Variants in USP28 observed in about 807,000 individuals in gnomAD.
USP28 encodes the protein ubiquitin carboxyl-terminal hydrolase 28.
A neutral mutation model predicts 145.0 loss-of-function variants in USP28; 113 were observed. That is an observed-to-expected ratio of 0.78 (90% CI 0.67 to 0.91). The LOEUF is 0.91. Ranked by LOEUF, USP28 falls within the 40% of genes least tolerant of loss-of-function variation. USP28 has a pLI of 0.00. For synonymous variants in USP28, 447 were observed against 450.9 expected (o/e 0.99, Z 0.11); for missense variants, 1,201 against 1,289.6 (o/e 0.93, Z 1.05).
exon 22 of USP28, chr11:113,803,858 C>T: frequency 3.1e-6 from 5 of 1,613,896 alleles, no homozygotes; most frequent in Non-Finnish European, 4.2e-6. Context: ...TCGGAACAAA[C>T]TATAATCTTC....
intron 11 of USP28, 28 bp downstream of exon 11, chr11:113,827,205 G>C (rs775846692): frequency 2.5e-6 from 3 of 1,186,498 alleles, no homozygotes; most frequent in Non-Finnish European, 3.5e-6. Context: ...AATACCTCAG[G>C]AAAAAAAAAA....
At chr11:113,851,668 C>T (rs567977002) in intron 3 of USP28, among the ~76,000 whole-genome samples, 9 of 152,098 alleles carry the variant, frequency 5.9e-5, no homozygotes, top group Admixed American at 2.0e-4. Flanking sequence ...TAGTGGTGGG[C>T]GCCTGTAATC....
intron 19 of USP28, among the ~76,000 whole-genome samples, chr11:113,805,259 C>CTTT (rs5794882): frequency 3.5e-5 from 5 of 144,478 alleles, no homozygotes; most frequent in Non-Finnish European, 6.0e-5. Context: ...ACATACTGTA[C>CTTT]TTTTTTTTTT....
chr11:113,813,216 G>A (rs1055569080), intron 15 of USP28, among the ~76,000 whole-genome samples: 5 of 152,120 alleles, frequency 3.3e-5, no homozygotes, highest in Admixed American at 1.3e-4. Flanking sequence ...GGAAGCCTGC[G>A]TTTTACATGG....
intron 12 of USP28, among the ~76,000 whole-genome samples, chr11:113,822,843 G>A (rs1274525071): frequency 1.3e-5 from 2 of 152,160 alleles, no homozygotes; most frequent in African/African-American, 2.4e-5. Context: ...AGTGGTAGCG[G>A]TGGGGGTACA....
At chr11:113,821,495 G>A (rs771397731) in intron 12 of USP28, 12 of 214,294 alleles carry the variant, frequency 5.6e-5, no homozygotes, top group African/African-American at 2.8e-4. Flanking sequence ...CTGGGAGTGG[G>A]TCGGGTGGCT....
intron 11 of USP28, 78 bp downstream of exon 11, chr11:113,827,155 A>G: frequency 6.7e-7 from 1 of 1,501,762 alleles, no homozygotes; most frequent in Non-Finnish European, 8.9e-7. Flanking sequence ...GGTGATTCCT[A>G]CGCACACTAT....
In USP28 at chr11:113,860,825, A is replaced by G. The variant is rs565679572; in HGVS notation, c.58-6490T>C. The stretch of plus-strand genomic sequence containing the variant: ...CAGAGCAAGACTGTGTCTCGAAAAA[A>G]AAAAAAATAAGGGCCGGGCTTGGTG... On this transcript the variant is annotated intron_variant, in intron 1 of 24. Coordinates refer to ENST00000003302, the Ensembl canonical transcript of USP28. Among the ~76,000 whole-genome samples the G allele has an allele frequency of 3.3e-5, 5 of 149,844 alleles. No homozygotes were observed. In the East Asian group the frequency reaches 1.0e-3, roughly 30 times the overall value.
At chr11:113,819,182 G>A (rs573382737) in intron 12 of USP28, among the ~76,000 whole-genome samples, 17 of 150,832 alleles carry the variant, frequency 1.1e-4, no homozygotes, top group African/African-American at 3.9e-4. Flanking sequence ...GCACGATCTC[G>A]GCTTACTGCA....
intron 13 of USP28, among the ~76,000 whole-genome samples, chr11:113,816,370 C>T (rs1425258012): frequency 2.6e-5 from 4 of 152,116 alleles, no homozygotes; most frequent in Non-Finnish European, 4.4e-5. Context: ...CAAAACTCAG[C>T]TGGGCATGGT....
chr11:113,855,851 C>T (rs1467160734), intron 1 of USP28, among the ~76,000 whole-genome samples: 2 of 152,200 alleles, frequency 1.3e-5, no homozygotes, highest in Non-Finnish European at 2.9e-5. Context: ...GTGGAGGTTG[C>T]AGTGAGCCAA....
At chr11:113,868,909 G>A (rs570776578) in intron 1 of USP28, among the ~76,000 whole-genome samples, 20 of 144,246 alleles carry the variant, frequency 1.4e-4, no homozygotes, top group African/African-American at 4.9e-4. Context: ...CTAGGTGACA[G>A]AGTAAGACCA....
intron 18 of USP28, among the ~76,000 whole-genome samples, chr11:113,807,545 A>T (rs763722690): frequency 4.6e-5 from 7 of 152,166 alleles, no homozygotes; most frequent in Non-Finnish European, 7.3e-5. Context: ...AAATAACTTC[A>T]ATCCACATTT....
intron 4 of USP28, among the ~76,000 whole-genome samples, chr11:113,841,243 T>A (rs1272163093): frequency 2.5e-4 from 38 of 152,138 alleles, no homozygotes; most frequent in Admixed American, 2.5e-3. Context: ...TGGTGAACAG[T>A]ACCAAACAAC....
chr11:113,874,949 G>A (rs964085303), intron 1 of USP28: 11 of 451,112 alleles, frequency 2.4e-5, no homozygotes, highest in South Asian at 8.3e-5. Context: ...GGGAGGGAGG[G>A]AAGTGGTGGT....
chr11:113,848,504 T>C (rs1478608949), intron 3 of USP28, among the ~76,000 whole-genome samples: 1 of 152,146 alleles, frequency 6.6e-6, no homozygotes, highest in Non-Finnish European at 1.5e-5. Context: ...TAGAAACCTT[T>C]CTGGGGCTTC....
At chr11:113,875,523 G>A (rs1591548687) in exon 1 of USP28, 2 of 1,153,314 alleles carry the variant, frequency 1.7e-6, no homozygotes, top group Non-Finnish European at 1.1e-6. Flanking sequence ...CCAGCCGCGG[G>A]TCACCGGTCT....
At chr11:113,799,993 A>G (rs181775005) in intron 24 of USP28, among the ~76,000 whole-genome samples, 2 of 152,232 alleles carry the variant, frequency 1.3e-5, no homozygotes, top group African/African-American at 4.8e-5. Flanking sequence ...AAACACTTGA[A>G]CAAGTCAATG....
intron 13 of USP28, among the ~76,000 whole-genome samples, chr11:113,816,231 C>T (rs1789765677): frequency 6.6e-6 from 1 of 152,070 alleles, no homozygotes; most frequent in Non-Finnish European, 1.5e-5. Flanking sequence ...AAAACTCTCA[C>T]TCCTGCCGGG....
Sources: allele counts gnomAD v4.1 joint callset (sites outside exome capture counted in the v4.1 genomes callset), GRCh38; gene constraint gnomAD v4.1.1; transcripts MANE v1.5; gene names NCBI Gene and HGNC (gene_info 2026-07-23, HGNC 2026-07-21).